The following KAZN variants were observed in gnomAD, a reference collection of about 807,000 sequenced individuals.
KAZN encodes kazrin.
KAZN carries 40 observed loss-of-function variants against 87.4 expected under a neutral mutation model. That is an observed-to-expected ratio of 0.46 (90% CI 0.36 to 0.60). KAZN has a LOEUF of 0.60. Ranked by LOEUF, KAZN falls within the 20% of genes least tolerant of loss-of-function variation. The pLI is 0.00. For synonymous variants in KAZN, 466 were observed against 458.3 expected, an observed-to-expected ratio of 1.02 and a Z score of -0.22; for missense variants, 898 against 1,073.9, an observed-to-expected ratio of 0.84 and a Z score of 2.29.
chr1:14,872,095 G>A (rs1264982296), intron 1 of KAZN, among the ~76,000 whole-genome samples: 1 of 152,210 alleles, frequency 6.6e-6, no homozygotes, highest in Non-Finnish European at 1.5e-5. Flanking sequence ...GTGCAAGCGT[G>A]TGGGCACCAG....
At chr1:14,411,044 C>A (rs749369814) in intron 2 of KAZN, among the ~76,000 whole-genome samples, 1 of 152,122 alleles carries the variant, frequency 6.6e-6, no homozygotes. Flanking sequence ...GAATGAACAT[C>A]AAGTTACAGG....
At chr1:14,651,510 T>G (rs1378639628) in intron 1 of KAZN, among the ~76,000 whole-genome samples, 1 of 152,180 alleles carries the variant, frequency 6.6e-6, no homozygotes, top group Non-Finnish European at 1.5e-5. Context: ...GGAGGTTATT[T>G]GTGAATCATT....
At chr1:13,990,491 G>GA (rs74526325) in intron 1 of KAZN, among the ~76,000 whole-genome samples, 116,716 of 148,694 alleles carry the variant, frequency 0.78, 45,321 homozygotes, top group African/African-American at 0.86. Flanking sequence ...TCTGTAGGTA[G>GA]AAAAAAATCA....
Position 14,949,837 on chromosome 1 carries a change from C to G in KAZN, c.227-10847C>G, listed in dbSNP as rs1476953827. On this transcript the variant is annotated intron_variant, in intron 1 of 14. Transcript: ENST00000376030. The surrounding 1 kb of genome is among the most constrained non-coding windows in gnomAD (Gnocchi z 4.3). Reference sequence around the variant, plus strand: ...AGGCATGCAGGAGAGTACAGGTTTTCTGGGGTGTGGAGCTGGGTGGGCCCA... The same window carrying G: ...AGGCATGCAGGAGAGTACAGGTTTTGTGGGGTGTGGAGCTGGGTGGGCCCA... Among the ~76,000 whole-genome samples the G allele has an allele frequency of 6.6e-6, 1 of 152,020 alleles. No homozygotes were observed. Among genetic ancestry groups the G allele is most frequent in the Non-Finnish European group, 1.5e-5 (1 of 68,014 alleles).
At chr1:15,108,670 C>G (rs563630845) in intron 13 of KAZN, among the ~76,000 whole-genome samples, 11 of 152,170 alleles carry the variant, frequency 7.2e-5, no homozygotes, top group Non-Finnish European at 1.5e-4. Flanking sequence ...AGACTCAATG[C>G]TCGGGCTGGC....
At chr1:14,897,765 T>G (rs530507605) in intron 1 of KAZN, among the ~76,000 whole-genome samples, 1 of 152,324 alleles carries the variant, frequency 6.6e-6, no homozygotes, top group African/African-American at 2.4e-5. Context: ...GTTTGTAGCA[T>G]ATGAAGAAAA....
intron 2 of KAZN, among the ~76,000 whole-genome samples, chr1:15,001,465 C>CAA (rs35048403): frequency 6.2e-4 from 77 of 125,108 alleles, no homozygotes; most frequent in Middle Eastern, 3.8e-3. Context: ...AAATCTGTCT[C>CAA]AAAAAAAAAA....
At chr1:15,029,057 A>G (rs1671433678) in intron 2 of KAZN, among the ~76,000 whole-genome samples, 1 of 152,188 alleles carries the variant, frequency 6.6e-6, no homozygotes, top group Non-Finnish European at 1.5e-5. Flanking sequence ...TATAAAGAAA[A>G]CTAGATTTCC....
intron 1 of KAZN, among the ~76,000 whole-genome samples, chr1:14,083,288 T>C (rs1473849254): frequency 6.6e-5 from 10 of 152,226 alleles, no homozygotes; most frequent in Admixed American, 3.9e-4. Context: ...TAAATAACAT[T>C]GATGAGCATG....
rs1338393578 is a variant in KAZN, at chr1:14,971,662, T to G, written c.418+10787T>G. Among the ~76,000 whole-genome samples the G allele has an allele frequency of 5.3e-5, 7 of 131,072 alleles. No individual in the cohort carries two copies. The East Asian group carries it at 6.5e-4, about 12-fold the overall frequency. 86.0% of individuals were successfully genotyped at this position (131,072 alleles called of 152,430 possible). A position where few individuals can be genotyped will look rare whatever the true frequency, so the allele number is the denominator to read the frequency against. On this transcript the variant is annotated intron_variant, in intron 2 of 14. Coordinates refer to ENST00000376030, the MANE Select transcript of KAZN (RefSeq NM_201628.3). ...CCTTCCCTGGAGGCACCAGGAGTTG[T>G]TTTTTTTTTTTTCTTTTTCTTTTTT...
At chr1:14,887,671 T>G (rs1005289856) in intron 1 of KAZN, among the ~76,000 whole-genome samples, 2 of 151,518 alleles carry the variant, frequency 1.3e-5, no homozygotes, top group African/African-American at 4.9e-5. Flanking sequence ...TGGTAGTTTT[T>G]TTTTTTTTTT....
chr1:14,565,992 G>C (rs530756252), intron 2 of KAZN, among the ~76,000 whole-genome samples: 1 of 152,212 alleles, frequency 6.6e-6, no homozygotes, highest in Admixed American at 6.5e-5. Flanking sequence ...TTGATGTTTT[G>C]ACCTTCTCCC....
intron 1 of KAZN, among the ~76,000 whole-genome samples, chr1:14,133,272 A>G (rs1645029436): frequency 6.6e-6 from 1 of 151,220 alleles, no homozygotes; most frequent in Non-Finnish European, 1.5e-5. Context: ...GAGGCTGAGG[A>G]AGGAGAATGG....
At chr1:14,206,873 G>T (rs1646757113) in intron 2 of KAZN, among the ~76,000 whole-genome samples, 1 of 151,064 alleles carries the variant, frequency 6.6e-6, no homozygotes, top group Non-Finnish European at 1.5e-5. Flanking sequence ...TTGCTTCCAG[G>T]TTTTTCTTTG....
At chr1:13,989,426 T>A (rs542591399) in intron 1 of KAZN, among the ~76,000 whole-genome samples, 1 of 152,070 alleles carries the variant, frequency 6.6e-6, no homozygotes, top group Non-Finnish European at 1.5e-5. Flanking sequence ...GAAACAAGCA[T>A]CACATGAGAC....
intron 1 of KAZN, among the ~76,000 whole-genome samples, chr1:13,947,647 G>A (rs1221844434): frequency 6.6e-6 from 1 of 152,210 alleles, no homozygotes; most frequent in Non-Finnish European, 1.5e-5. Flanking sequence ...ACTTCAGACT[G>A]GGGGCTTAAA....
intron 1 of KAZN, among the ~76,000 whole-genome samples, chr1:14,873,342 A>G (rs779240626): frequency 4.6e-5 from 7 of 152,266 alleles, no homozygotes; most frequent in African/African-American, 7.2e-5. Context: ...AATAGCATAA[A>G]GAATTTCTAG....
At chr1:14,720,303 C>G (rs11576247) in intron 1 of KAZN, among the ~76,000 whole-genome samples, 1 of 152,204 alleles carries the variant, frequency 6.6e-6, no homozygotes, top group Non-Finnish European at 1.5e-5. Flanking sequence ...GGGCAGCCCC[C>G]TTATTTCAGT....
At chr1:14,559,656 A>C (rs1313455907) in intron 2 of KAZN, among the ~76,000 whole-genome samples, 1 of 152,226 alleles carries the variant, frequency 6.6e-6, no homozygotes, top group Non-Finnish European at 1.5e-5. Flanking sequence ...ATTTCCATTG[A>C]GGGCTCAGAA....
Sources: gnomAD v4.1 joint callset for allele counts (sites outside exome capture counted in the v4.1 genomes callset) on GRCh38, gnomAD v4.1.1 for gene constraint, Gnocchi (gnomAD v3.1) non-coding constraint, MANE v1.5 for transcripts, NCBI Gene and HGNC (gene_info 2026-07-23, HGNC 2026-07-21) for gene names.